Variants in PRKCE observed in about 807,000 individuals in gnomAD.
PRKCE encodes protein kinase C epsilon, also known as protein kinase C epsilon type.
Under a neutral mutation model 85.4 loss-of-function variants are expected in PRKCE, and 16 were observed. That is an observed-to-expected ratio of 0.19 (90% CI 0.13 to 0.28). The LOEUF (loss-of-function observed/expected upper bound fraction) is 0.28. Ranked by LOEUF, PRKCE falls within the 10% of genes least tolerant of loss-of-function variation. The probability of loss-of-function intolerance (pLI) is 1.00; values close to 1 mark genes in which losing one functional copy is unlikely to be tolerated. For synonymous variants in PRKCE, 388 were observed against 371.5 expected (o/e 1.04, Z -0.51); for missense variants, 573 against 975.2 (o/e 0.59, Z 5.49).
intron 10 of PRKCE, among the ~76,000 whole-genome samples, chr2:46,064,743 G>A (rs1241010664): frequency 1.3e-5 from 2 of 152,234 alleles, no homozygotes; most frequent in African/African-American, 4.8e-5. Context: ...ACTAGGACTG[G>A]AGGCAAAATT....
intron 9 of PRKCE, 38 bp downstream of exon 9, chr2:46,007,699 C>G (rs748152572): frequency 4.4e-6 from 7 of 1,579,204 alleles, no homozygotes; most frequent in Middle Eastern, 1.8e-4. Context: ...TGGTTTTGTT[C>G]TACTCCTTAG....
intron 2 of PRKCE, among the ~76,000 whole-genome samples, chr2:45,974,991 T>C (rs564057632): frequency 6.6e-6 from 1 of 152,224 alleles, no homozygotes; most frequent in Admixed American, 6.5e-5. Flanking sequence ...AGATGAGAGC[T>C]TGGGGACTTT....
At chr2:45,941,387 G>C (rs1372257038) in intron 2 of PRKCE, among the ~76,000 whole-genome samples, 1 of 152,170 alleles carries the variant, frequency 6.6e-6, no homozygotes, top group African/African-American at 2.4e-5. Context: ...TAGGTGATCT[G>C]AGGGCAGGTG....
intron 1 of PRKCE, among the ~76,000 whole-genome samples, chr2:45,795,494 G>C (rs1020706203): frequency 2.6e-5 from 4 of 152,040 alleles, no homozygotes; most frequent in African/African-American, 9.7e-5. Context: ...TTTTTTAGTA[G>C]AGATGGGGTT....
intron 14 of PRKCE, among the ~76,000 whole-genome samples, chr2:46,162,252 TCCTTGGGCCTCTTGGGAGCTCCC>T (rs1677849377): frequency 6.6e-6 from 1 of 152,018 alleles, no homozygotes; most frequent in Non-Finnish European, 1.5e-5. Flanking sequence ...GTGCTTTCTG[TCCTTGGGCCTCTTGGGAGCTCCC>T]CCTTGGGACT....
At chr2:45,825,315 T>C (rs533998733) in intron 1 of PRKCE, among the ~76,000 whole-genome samples, 1 of 152,326 alleles carries the variant, frequency 6.6e-6, no homozygotes, top group East Asian at 1.9e-4. Context: ...GGCCTGGGAC[T>C]TGGGGGGGCC....
rs754343095 is a variant in PRKCE at position 46,001,755 on chromosome 2, C to T, written c.966+209C>T. Among the ~76,000 whole-genome samples, 1 of 152,294 alleles carries T rather than the reference C, an allele frequency of 6.6e-6. No homozygotes were observed. Among genetic ancestry groups the T allele is most frequent in the African/African-American group, 2.4e-5 (1 of 41,556 alleles). On this transcript the variant is annotated intron_variant, in intron 7 of 14. Transcript: ENST00000306156. The surrounding 1 kb of genome is among the most constrained non-coding windows in gnomAD (Gnocchi z 4.4). ...GAGCTCCAAAAGTGGACTGAAAACA[C>T]AGCAAGCCTCAAGGGTTACGTTTGC...
chr2:45,936,963 C>T (rs1312863812), intron 2 of PRKCE, among the ~76,000 whole-genome samples: 1 of 152,182 alleles, frequency 6.6e-6, no homozygotes. Flanking sequence ...CATTGAATTT[C>T]CAGGATCAGA....
At chr2:46,093,686 G>A (rs1260811930) in intron 11 of PRKCE, among the ~76,000 whole-genome samples, 1 of 151,852 alleles carries the variant, frequency 6.6e-6, no homozygotes, top group East Asian at 1.9e-4. Flanking sequence ...ATGAACCATG[G>A]CACCTAGCCT....
chr2:46,028,979 A>G (rs1422002007), intron 10 of PRKCE, among the ~76,000 whole-genome samples: 2 of 152,174 alleles, frequency 1.3e-5, no homozygotes, highest in Non-Finnish European at 2.9e-5. Context: ...GTCCCTGTAA[A>G]GGACATGATC....
chr2:45,684,242 G>C (rs1200518202), intron 1 of PRKCE, among the ~76,000 whole-genome samples: 1 of 152,156 alleles, frequency 6.6e-6, no homozygotes, highest in Non-Finnish European at 1.5e-5. Flanking sequence ...CCCTTTTTCA[G>C]GAAATTTGTA....
chr2:46,023,102 A>AAAAAAT, intron 10 of PRKCE, among the ~76,000 whole-genome samples: 1 of 151,324 alleles, frequency 6.6e-6, no homozygotes, highest in African/African-American at 2.4e-5. Context: ...AAAAAAAAAA[A>AAAAAAT]AAAAAAAATC....
chr2:45,871,726 C>G (rs1440840307), intron 2 of PRKCE, among the ~76,000 whole-genome samples: 1 of 152,170 alleles, frequency 6.6e-6, no homozygotes, highest in African/African-American at 2.4e-5. Context: ...AAGCCAGAAG[C>G]CAGGTCAGCG....
intron 6 of PRKCE, among the ~76,000 whole-genome samples, chr2:45,987,993 G>T (rs1257352291): frequency 1.3e-5 from 2 of 152,192 alleles, no homozygotes; most frequent in African/African-American, 4.8e-5. Context: ...TTAGTGACCT[G>T]CAAGCATCCC....
In PRKCE at chr2:46,043,106, T is replaced by G. The variant is rs1410205119; in HGVS notation, c.1437+32589T>G. Among the ~76,000 whole-genome samples the G allele has an allele frequency of 5.3e-5, 8 of 151,160 alleles. 1 individual carries two copies. The highest frequency in any genetic ancestry group is 5.9e-5 in the Non-Finnish European group (4 of 67,822). On this transcript the variant is annotated intron_variant, in intron 10 of 14. Coordinates refer to ENST00000306156, the MANE Select transcript of PRKCE (RefSeq NM_005400.3). The stretch of plus-strand genomic sequence containing the variant: ...TTTGTAGGGCCTTCAGAAAAACAGT[T>G]TTTTTTTTTCAAGGTGTTCTGTAAA...
chr2:45,686,819 A>G (rs1677333981), intron 1 of PRKCE, among the ~76,000 whole-genome samples: 1 of 152,214 alleles, frequency 6.6e-6, no homozygotes, highest in Non-Finnish European at 1.5e-5. Flanking sequence ...GTCCAGAGCT[A>G]GACACCAATA....
At position 46,105,089 on chromosome 2, in the gene PRKCE, C is replaced by G. The variant is rs570836598; in HGVS notation, c.1592+18727C>G. On this transcript the variant is annotated intron_variant, in intron 11 of 14. Transcript: ENST00000306156. ...CCTATTTGGGCAGATGTCTGTTCTT[C>G]TCAATGATTTTCTTAATGGTGTCTG... Among the ~76,000 whole-genome samples the G allele has an allele frequency of 1.3e-4, 20 of 151,736 alleles. No individual in the cohort carries two copies. The South Asian group carries it at 4.2e-3, about 32-fold the overall frequency.
chr2:46,165,976 G>A (rs1574648281), intron 14 of PRKCE, among the ~76,000 whole-genome samples: 1 of 152,210 alleles, frequency 6.6e-6, no homozygotes, highest in South Asian at 2.1e-4. Context: ...TTAAGGTAAG[G>A]CCTCCAGAGT....
intron 14 of PRKCE, among the ~76,000 whole-genome samples, chr2:46,163,898 C>A (rs1192425314): frequency 6.7e-6 from 1 of 148,614 alleles, no homozygotes; most frequent in Non-Finnish European, 1.5e-5. Flanking sequence ...GTGAGGTGCA[C>A]CCCACAGAGG....
Sources: gnomAD v4.1 joint callset for allele counts (sites outside exome capture counted in the v4.1 genomes callset) on GRCh38, gnomAD v4.1.1 for gene constraint, Gnocchi (gnomAD v3.1) non-coding constraint, MANE v1.5 for transcripts, NCBI Gene and HGNC (gene_info 2026-07-23, HGNC 2026-07-21) for gene names.